Variants in DAP observed in about 807,000 individuals in gnomAD.
DAP encodes the protein death-associated protein 1.
In DAP, 8 loss-of-function variants were observed where a neutral mutation model predicts 13.8. The observed-to-expected ratio is 0.58, with a 90% CI of 0.34 to 1.05. The LOEUF is 1.05. DAP is among the 50% of genes least tolerant of loss of function. The pLI is 0.03. For synonymous variants in DAP, 47 were observed against 47.5 expected (o/e 0.99, Z 0.04); for missense variants, 106 against 133.2 (o/e 0.80, Z 1.01).
At chr5:10,747,224 T>C (rs1739928354) in intron 2 of DAP, among the ~76,000 whole-genome samples, 1 of 152,248 alleles carries the variant, frequency 6.6e-6, no homozygotes, top group East Asian at 1.9e-4. Flanking sequence ...TGCTTTCTTC[T>C]ACGTGGACGA....
chr5:10,736,395 C>A (rs965082499), intron 2 of DAP, among the ~76,000 whole-genome samples: 1 of 152,154 alleles, frequency 6.6e-6, no homozygotes, highest in East Asian at 1.9e-4. Context: ...AATGGCAGAT[C>A]TCGAAGCTGC....
At chr5:10,710,496 G>T (rs1183886029) in intron 2 of DAP, among the ~76,000 whole-genome samples, 5 of 152,218 alleles carry the variant, frequency 3.3e-5, no homozygotes, top group Admixed American at 3.3e-4. Context: ...CTTTCATGGG[G>T]CTTAGAGGCC....
intron 1 of DAP, among the ~76,000 whole-genome samples, chr5:10,753,163 C>A (rs1212415491): frequency 3.3e-5 from 5 of 152,230 alleles, no homozygotes; most frequent in African/African-American, 1.2e-4. Flanking sequence ...CACTCTGTGG[C>A]AGGCACCGCT....
chr5:10,718,097 C>G (rs1337472531), intron 2 of DAP, among the ~76,000 whole-genome samples: 1 of 152,188 alleles, frequency 6.6e-6, no homozygotes, highest in African/African-American at 2.4e-5. Flanking sequence ...CCCAAGGTGA[C>G]CTCTGGCTTT....
chr5:10,685,789 G>T (rs1464445598), intron 2 of DAP, among the ~76,000 whole-genome samples: 1 of 152,172 alleles, frequency 6.6e-6, no homozygotes, highest in Admixed American at 6.5e-5. Flanking sequence ...GATATAAAAT[G>T]TCATCCATAG....
intron 1 of DAP, among the ~76,000 whole-genome samples, chr5:10,756,368 T>TTGTGGTGGTGCACAC (rs1561037916): frequency 3.3e-4 from 30 of 91,588 alleles, no homozygotes; most frequent in South Asian, 3.5e-4. Flanking sequence ...AAATTAGTCT[T>TTGTGGTGGTGCACAC]CTGTTTCTAG....
chr5:10,687,739 C>G (rs1285066538), intron 2 of DAP, among the ~76,000 whole-genome samples: 1 of 152,154 alleles, frequency 6.6e-6, no homozygotes, highest in Non-Finnish European at 1.5e-5. Context: ...ATTATATAAA[C>G]TTAATTGATA....
At position 10,683,516 on chromosome 5, in the gene DAP, C is replaced by T; in HGVS notation, c.195+13G>A. The stretch of plus-strand genomic sequence containing the variant: ...AAAAGCCTCAAACCCACCGCAGACA[C>T]TCCCAGACTTACCCGGGCGATGACC... On this transcript the variant is annotated intron_variant, in intron 3 of 3. Coordinates refer to ENST00000230895, the MANE Select transcript of DAP (RefSeq NM_004394.3). 1 of 1,613,998 alleles carries T rather than the reference C, an allele frequency of 6.2e-7. No individual in the cohort carries two copies. The highest frequency in any genetic ancestry group is 8.5e-7 in the Non-Finnish European group (1 of 1,179,908).
In DAP at chr5:10,755,751, T is replaced by C. The variant is rs1191226301; in HGVS notation, c.55+5263A>G. 2.6e-5 allele frequency among the ~76,000 whole-genome samples: 4 copies of C among 152,060 alleles called. No homozygotes were observed. The East Asian group carries it at 7.7e-4, about 29-fold the overall frequency. On this transcript the variant is annotated intron_variant, in intron 1 of 3. Transcript: ENST00000230895. ...TAGAAACAAAAAAAACTTCTGAAGC[T>C]GGGAAGGGAAAAGCAGTCACAAAAC...
At chr5:10,697,674 A>AT (rs1738469121) in intron 2 of DAP, among the ~76,000 whole-genome samples, 1 of 152,188 alleles carries the variant, frequency 6.6e-6, no homozygotes, top group African/African-American at 2.4e-5. Context: ...AAAAAGGAAA[A>AT]TGATCATGTA....
intron 2 of DAP, among the ~76,000 whole-genome samples, chr5:10,695,703 G>A (rs1212249021): frequency 6.6e-6 from 1 of 152,150 alleles, no homozygotes; most frequent in Non-Finnish European, 1.5e-5. Flanking sequence ...GTGATTTCAG[G>A]ACAAAACTTC....
At chr5:10,723,874 C>T (rs1352237673) in intron 2 of DAP, among the ~76,000 whole-genome samples, 1 of 152,154 alleles carries the variant, frequency 6.6e-6, no homozygotes, top group East Asian at 1.9e-4. Context: ...GAAGGAGAGT[C>T]GCACATCTTG....
chr5:10,685,519 T>C (rs1738134715), intron 2 of DAP, among the ~76,000 whole-genome samples: 1 of 152,140 alleles, frequency 6.6e-6, no homozygotes, highest in Admixed American at 6.5e-5. Context: ...TAGAAAAGAT[T>C]TGGAAAGGAA....
At chr5:10,729,273 C>G (rs1739376291) in intron 2 of DAP, among the ~76,000 whole-genome samples, 1 of 152,156 alleles carries the variant, frequency 6.6e-6, no homozygotes, top group Non-Finnish European at 1.5e-5. Context: ...TGAATTCATG[C>G]TCTTATAATC....
chr5:10,757,179 G>T (rs371244838), intron 1 of DAP, among the ~76,000 whole-genome samples: 2 of 152,186 alleles, frequency 1.3e-5, no homozygotes, highest in South Asian at 4.1e-4. Flanking sequence ...GTCGTCTGTC[G>T]GGCTGCTGAA....
intron 2 of DAP, among the ~76,000 whole-genome samples, chr5:10,721,338 A>G (rs1443598372): frequency 6.6e-6 from 1 of 152,208 alleles, no homozygotes; most frequent in Non-Finnish European, 1.5e-5. Context: ...TAGAGGTCTT[A>G]GTTCCAAAGG....
At chr5:10,688,348 A>G (rs543689527) in intron 2 of DAP, among the ~76,000 whole-genome samples, 1 of 152,352 alleles carries the variant, frequency 6.6e-6, no homozygotes, top group African/African-American at 2.4e-5. Context: ...GAAGGCTCAG[A>G]TGATCATTAG....
intron 2 of DAP, among the ~76,000 whole-genome samples, chr5:10,693,284 G>T (rs990226875): frequency 6.6e-6 from 1 of 152,202 alleles, no homozygotes; most frequent in Non-Finnish European, 1.5e-5. Context: ...TTTGACCTGG[G>T]TTCATGGAAG....
chr5:10,718,150 C>T (rs1739041404), intron 2 of DAP, among the ~76,000 whole-genome samples: 2 of 152,220 alleles, frequency 1.3e-5, no homozygotes, highest in Admixed American at 1.3e-4. Flanking sequence ...AATGATCAGA[C>T]ATTTCAGGGA....
Sources: gnomAD v4.1 joint callset for allele counts (sites outside exome capture counted in the v4.1 genomes callset) on GRCh38, gnomAD v4.1.1 for gene constraint, MANE v1.5 for transcripts, NCBI Gene and HGNC (gene_info 2026-07-23, HGNC 2026-07-21) for gene names.